The following GRM1 variants were observed in gnomAD, a reference collection of about 807,000 sequenced individuals.
GRM1 encodes metabotropic glutamate receptor 1.
In GRM1, 33 loss-of-function variants were observed where a neutral mutation model predicts 90.9. The observed-to-expected ratio is 0.36, with a 90% confidence interval of 0.28 to 0.49. The LOEUF (loss-of-function observed/expected upper bound fraction) is 0.49. GRM1 is among the 20% of genes least tolerant of loss of function. The probability of loss-of-function intolerance (pLI) is 0.99; values close to 1 mark genes in which losing one functional copy is unlikely to be tolerated. For synonymous variants in GRM1, 700 were observed against 613.2 expected (o/e 1.14, Z -2.09); for missense variants, 1,190 against 1,534.3 (o/e 0.78, Z 3.75).
intron 2 of GRM1, among the ~76,000 whole-genome samples, chr6:146,272,876 A>G (rs1215215959): frequency 6.6e-6 from 1 of 152,224 alleles, no homozygotes; most frequent in Non-Finnish European, 1.5e-5. Context: ...GTAAAGGAAC[A>G]TAGACATTAT....
chr6:146,403,990 C>A (rs1046692211), intron 7 of GRM1, among the ~76,000 whole-genome samples: 1 of 152,040 alleles, frequency 6.6e-6, no homozygotes, highest in South Asian at 2.1e-4. Flanking sequence ...CTTCTAACTA[C>A]TTGAACTATT....
intron 1 of GRM1, among the ~76,000 whole-genome samples, chr6:146,107,270 G>T (rs1775344564): frequency 1.3e-5 from 2 of 151,742 alleles, no homozygotes; most frequent in South Asian, 2.1e-4. Flanking sequence ...ATATAATAAA[G>T]GTACAATACA....
intron 2 of GRM1, among the ~76,000 whole-genome samples, chr6:146,244,615 G>A (rs368204782): frequency 2.0e-5 from 3 of 152,190 alleles, no homozygotes; most frequent in African/African-American, 7.2e-5. Context: ...GGCTAGGCAG[G>A]GTTTTGGGGT....
At chr6:146,113,985 A>G (rs1775653437) in intron 1 of GRM1, among the ~76,000 whole-genome samples, 1 of 152,104 alleles carries the variant, frequency 6.6e-6, no homozygotes, top group South Asian at 2.1e-4. Context: ...ACTCCTCCCA[A>G]ATCAGCTTCC....
intron 2 of GRM1, among the ~76,000 whole-genome samples, chr6:146,269,110 G>C (rs188545784): frequency 8.0e-4 from 122 of 152,276 alleles, no homozygotes; most frequent in Non-Finnish European, 1.4e-3. Context: ...AAGGAAAGAG[G>C]CTTGTTTTTA....
intron 2 of GRM1, among the ~76,000 whole-genome samples, chr6:146,222,557 G>C (rs1780102436): frequency 6.6e-6 from 1 of 152,018 alleles, no homozygotes; most frequent in South Asian, 2.1e-4. Flanking sequence ...AGAGAGGAAA[G>C]GAGAGACAGA....
intron 1 of GRM1, among the ~76,000 whole-genome samples, chr6:146,127,940 G>A (rs1203735818): frequency 6.6e-6 from 1 of 152,108 alleles, no homozygotes; most frequent in Non-Finnish European, 1.5e-5. Flanking sequence ...AAAGGCTGGG[G>A]GATGGAATCA....
intron 5 of GRM1, among the ~76,000 whole-genome samples, chr6:146,363,802 C>G (rs1168504698): frequency 6.6e-6 from 1 of 152,158 alleles, no homozygotes; most frequent in Non-Finnish European, 1.5e-5. Context: ...CTTTGAAAAG[C>G]CTTATCATTT....
chr6:146,064,338 T>C (rs1253782968), intron 1 of GRM1, among the ~76,000 whole-genome samples: 1 of 152,246 alleles, frequency 6.6e-6, no homozygotes, highest in African/African-American at 2.4e-5. Flanking sequence ...GGTTTTCATC[T>C]TAATACTTTA....
chr6:146,040,864 A>G (rs1791073734), intron 1 of GRM1, among the ~76,000 whole-genome samples: 1 of 151,808 alleles, frequency 6.6e-6, no homozygotes. Context: ...CTCCTTCTTG[A>G]AGGCCAATGA....
At chr6:146,238,805 G>T (rs552652398) in intron 2 of GRM1, among the ~76,000 whole-genome samples, 1 of 151,848 alleles carries the variant, frequency 6.6e-6, no homozygotes, top group African/African-American at 2.4e-5. Context: ...TTAAGCACAG[G>T]AAATATGCAT....
intron 3 of GRM1, among the ~76,000 whole-genome samples, chr6:146,337,804 A>T (rs535758866): frequency 1.2e-4 from 18 of 152,358 alleles, no homozygotes; most frequent in African/African-American, 4.3e-4. Flanking sequence ...TAATGAGGCC[A>T]CAAACAGGAA....
rs78438227 is a variant in GRM1 at position 146,063,631 on chromosome 6, T to C, written c.700+33414T>C. ...TTCTATGTCACATTGTGATTTTTTT[T>C]TCCTTATTTAATTCCGTATGCACAG... is the stretch of plus-strand genomic sequence containing the variant. On this transcript the variant is annotated intron_variant, in intron 1 of 7. Transcript: ENST00000282753. 6.8e-3 allele frequency among the ~76,000 whole-genome samples: 1,029 copies of C among 152,288 alleles called. 59 individuals are homozygous for C. In the East Asian group the frequency reaches 0.15, roughly 22 times the overall value.
Position 146,316,812 on chromosome 6 carries a change from C to T in GRM1, c.1186+11966C>T, listed in dbSNP as rs577805608. Among the ~76,000 whole-genome samples, 9 of 152,204 alleles carry T rather than the reference C, an allele frequency of 5.9e-5. No individual in the cohort carries two copies. In the South Asian group the frequency reaches 6.2e-4, roughly 11 times the overall value. ...GGGGACTGTCTTTTTGAGGGCCAGG[C>T]GGCTGTCTGCCTCTACTACCTGACC... On this transcript the variant is annotated intron_variant, in intron 3 of 7. Coordinates refer to ENST00000282753, the MANE Select transcript of GRM1 (RefSeq NM_001278064.2).
chr6:146,302,539 T>TTTTA (rs370040664), intron 2 of GRM1, among the ~76,000 whole-genome samples: 10,749 of 150,232 alleles, frequency 0.072, 459 homozygotes, highest in Middle Eastern at 0.15. Context: ...ATCCAGATAA[T>TTTTA]TTTATTTATT....
chr6:146,086,213 ATTAG>A (rs1776540416), intron 1 of GRM1, among the ~76,000 whole-genome samples: 1 of 152,080 alleles, frequency 6.6e-6, no homozygotes, highest in Non-Finnish European at 1.5e-5. Flanking sequence ...TAAAGGCTAA[ATTAG>A]TTATTTGACT....
At chr6:146,402,974 G>A (rs1039790147) in intron 7 of GRM1, among the ~76,000 whole-genome samples, 1 of 152,046 alleles carries the variant, frequency 6.6e-6, no homozygotes. Flanking sequence ...TGTATCCTGG[G>A]AGATCAGCTG....
chr6:146,413,664 A>G (rs1352064024), intron 7 of GRM1, among the ~76,000 whole-genome samples: 1 of 152,218 alleles, frequency 6.6e-6, no homozygotes, highest in Non-Finnish European at 1.5e-5. Context: ...AAACCAACAT[A>G]CAACCAAAAC....
At chr6:146,389,564 A>C (rs2114539755) in intron 6 of GRM1, among the ~76,000 whole-genome samples, 1 of 152,198 alleles carries the variant, frequency 6.6e-6, no homozygotes, top group Admixed American at 6.6e-5. Context: ...TTAACTTGGT[A>C]AAATATTTTT....
Sources: gnomAD v4.1 joint callset for allele counts (sites outside exome capture counted in the v4.1 genomes callset) on GRCh38, gnomAD v4.1.1 for gene constraint, MANE v1.5 for transcripts, NCBI Gene and HGNC (gene_info 2026-07-23, HGNC 2026-07-21) for gene names.